Variants in PCSK2 observed in about 807,000 individuals in gnomAD.
PCSK2 encodes proprotein convertase subtilisin/kexin type 2.
A neutral mutation model predicts 69.7 loss-of-function variants in PCSK2; 14 were observed. That is an observed-to-expected ratio of 0.20 (90% CI 0.13 to 0.31). The LOEUF is 0.31. Ranked by LOEUF, PCSK2 falls within the 10% of genes least tolerant of loss-of-function variation. PCSK2 has a pLI of 1.00. For synonymous variants in PCSK2, 307 were observed against 320.7 expected (o/e 0.96, Z 0.46); for missense variants, 544 against 842.5 (o/e 0.65, Z 4.39).
intron 1 of PCSK2, among the ~76,000 whole-genome samples, chr20:17,251,058 C>T (rs1272082769): frequency 6.6e-6 from 1 of 152,036 alleles, no homozygotes; most frequent in East Asian, 1.9e-4. Context: ...CAAGATTGCA[C>T]CACTGCACTC....
chr20:17,245,633 A>AT lies in PCSK2; in HGVS notation c.178-14596dup, dbSNP rs879731129. On this transcript the variant is annotated intron_variant, in intron 1 of 11. Coordinates refer to ENST00000262545, the MANE Select transcript of PCSK2 (RefSeq NM_002594.5). ...GCTAGCCTCATCTGTAATTGATAGG[A>AT]TTTTTTTTTTTGCTAGAATATCTGA... 6.0e-3 allele frequency among the ~76,000 whole-genome samples: 896 copies of AT among 148,164 alleles called. 3 individuals are homozygous for AT. Among genetic ancestry groups the AT allele is most frequent in the African/African-American group, 0.018 (712 of 40,658 alleles).
At chr20:17,480,205 T>TTTA (rs2033372510) in intron 11 of PCSK2, among the ~76,000 whole-genome samples, 1 of 115,544 alleles carries the variant, frequency 8.7e-6, no homozygotes, top group African/African-American at 3.1e-5. Flanking sequence ...TTTTTTTTTT[T>TTTA]TTGAGGCAGA....
chr20:17,353,882 C>G (rs1301176959), intron 2 of PCSK2, among the ~76,000 whole-genome samples: 1 of 152,124 alleles, frequency 6.6e-6, no homozygotes, highest in African/African-American at 2.4e-5. Context: ...TTATCCTAAG[C>G]AAATTAACAC....
At chr20:17,314,799 T>C (rs1376556360) in intron 2 of PCSK2, among the ~76,000 whole-genome samples, 3 of 152,310 alleles carry the variant, frequency 2.0e-5, no homozygotes, top group African/African-American at 7.2e-5. Context: ...TTTCACGTGT[T>C]GTCTTTGCCA....
At chr20:17,274,164 T>C (rs1987969892) in intron 2 of PCSK2, among the ~76,000 whole-genome samples, 3 of 152,146 alleles carry the variant, frequency 2.0e-5, no homozygotes, top group African/African-American at 7.2e-5. Context: ...CCATATTCTA[T>C]TATTCTGGGT....
At chr20:17,416,657 C>A (rs1243979176) in intron 6 of PCSK2, among the ~76,000 whole-genome samples, 2 of 152,176 alleles carry the variant, frequency 1.3e-5, no homozygotes, top group Non-Finnish European at 2.9e-5. Flanking sequence ...TTTGACCCAG[C>A]AATCCAACTA....
At chr20:17,266,218 G>A (rs1600426389) in intron 2 of PCSK2, among the ~76,000 whole-genome samples, 1 of 152,192 alleles carries the variant, frequency 6.6e-6, no homozygotes, top group East Asian at 1.9e-4. Context: ...TTATGCCCTG[G>A]AGTGGCCTTG....
intron 11 of PCSK2, among the ~76,000 whole-genome samples, chr20:17,471,266 A>T (rs2033196210): frequency 6.6e-6 from 1 of 152,214 alleles, no homozygotes; most frequent in South Asian, 2.1e-4. Flanking sequence ...AAATAATGTT[A>T]TCCAAGTCCC....
At chr20:17,478,152 A>G (rs1234885055) in intron 11 of PCSK2, among the ~76,000 whole-genome samples, 1 of 152,220 alleles carries the variant, frequency 6.6e-6, no homozygotes, top group Non-Finnish European at 1.5e-5. Flanking sequence ...GTCAGAAAGC[A>G]GTTAAGTGCT....
intron 2 of PCSK2, among the ~76,000 whole-genome samples, chr20:17,319,181 C>A (rs751689008): frequency 5.9e-5 from 9 of 152,086 alleles, no homozygotes; most frequent in Non-Finnish European, 8.8e-5. Context: ...TACCAAGCTA[C>A]GCCCCGATAA....
chr20:17,267,016 C>A (rs1207005776), intron 2 of PCSK2, among the ~76,000 whole-genome samples: 1 of 152,142 alleles, frequency 6.6e-6, no homozygotes, highest in Non-Finnish European at 1.5e-5. Context: ...TCTGTAAATT[C>A]ACATTTGATT....
intron 2 of PCSK2, among the ~76,000 whole-genome samples, chr20:17,298,798 G>A (rs1988981703): frequency 6.6e-6 from 1 of 152,098 alleles, no homozygotes; most frequent in East Asian, 1.9e-4. Context: ...CACACTCACT[G>A]GAAGCAGATG....
chr20:17,261,055 C>T (rs1987364060), intron 2 of PCSK2, among the ~76,000 whole-genome samples: 1 of 152,126 alleles, frequency 6.6e-6, no homozygotes, highest in Admixed American at 6.5e-5. Context: ...AAAGTGGCTT[C>T]TCTCCCAGTG....
At chr20:17,308,107 AAAAG>A (rs1989384193) in intron 2 of PCSK2, among the ~76,000 whole-genome samples, 2 of 151,386 alleles carry the variant, frequency 1.3e-5, no homozygotes, top group Admixed American at 6.6e-5. Flanking sequence ...GAGCAGGAGC[AAAAG>A]AAAGAGTGAG....
At chr20:17,298,824 C>G (rs1430889662) in intron 2 of PCSK2, among the ~76,000 whole-genome samples, 1 of 152,170 alleles carries the variant, frequency 6.6e-6, no homozygotes, top group African/African-American at 2.4e-5. Context: ...ATTAGTCAGT[C>G]ATTCCCCAGC....
At chr20:17,389,377 A>G (rs1344647236) in intron 5 of PCSK2, among the ~76,000 whole-genome samples, 1 of 152,202 alleles carries the variant, frequency 6.6e-6, no homozygotes, top group East Asian at 1.9e-4. Context: ...TATGTGACAT[A>G]GGGCATATAT....
chr20:17,342,545 T>C (rs1990536136), intron 2 of PCSK2, among the ~76,000 whole-genome samples: 1 of 152,114 alleles, frequency 6.6e-6, no homozygotes, highest in African/African-American at 2.4e-5. Context: ...TCTCAACTCC[T>C]GGACTCAAGC....
At chr20:17,337,486 A>G (rs1990386495) in intron 2 of PCSK2, among the ~76,000 whole-genome samples, 1 of 152,240 alleles carries the variant, frequency 6.6e-6, no homozygotes, top group East Asian at 1.9e-4. Flanking sequence ...CCTCAGCTGT[A>G]GATGAGAACA....
intron 7 of PCSK2, among the ~76,000 whole-genome samples, chr20:17,434,206 TCTCC>T (rs2032437435): frequency 9.0e-6 from 1 of 111,062 alleles, no homozygotes. Flanking sequence ...TCTCTCTCTC[TCTCC>T]CAGTCTGTCT....
Sources: gnomAD v4.1 joint callset for allele counts (sites outside exome capture counted in the v4.1 genomes callset) on GRCh38, gnomAD v4.1.1 for gene constraint, MANE v1.5 for transcripts, NCBI Gene and HGNC (gene_info 2026-07-23, HGNC 2026-07-21) for gene names.